Variants in SCHIP1 observed in about 807,000 individuals in gnomAD.
SCHIP1 encodes schwannomin-interacting protein 1.
In SCHIP1, 8 loss-of-function variants were observed where a neutral mutation model predicts 29.7. The observed-to-expected ratio is 0.27, with a 90% CI of 0.16 to 0.49. SCHIP1 has a LOEUF of 0.49. SCHIP1 is among the 20% of genes least tolerant of loss of function. The pLI, the probability that SCHIP1 is intolerant of heterozygous loss-of-function variation, is 0.99. For synonymous variants in SCHIP1, 76 were observed against 94.9 expected (o/e 0.80, Z 1.16); for missense variants, 193 against 294.6 (o/e 0.66, Z 2.52).
the SCHIP1 span, among the ~76,000 whole-genome samples, chr3:159,321,520 C>G: frequency 6.6e-6 from 1 of 152,030 alleles, no homozygotes; most frequent in South Asian, 2.1e-4. Flanking sequence ...ATTTTTCAGG[C>G]AAGAATTGAA....
chr3:159,278,629 T>C, the SCHIP1 span, among the ~76,000 whole-genome samples: 1 of 152,194 alleles, frequency 6.6e-6, no homozygotes, highest in Non-Finnish European at 1.5e-5. Context: ...GTTCCAATTG[T>C]CATCTATTCT....
chr3:159,829,068 G>A, the SCHIP1 span, among the ~76,000 whole-genome samples: 11 of 152,292 alleles, frequency 7.2e-5, no homozygotes, highest in East Asian at 1.2e-3. Flanking sequence ...AATTGGGGAC[G>A]AAACGATGTA....
chr3:159,751,601 G>A, the SCHIP1 span, among the ~76,000 whole-genome samples: 1 of 151,030 alleles, frequency 6.6e-6, no homozygotes, highest in African/African-American at 2.4e-5. Flanking sequence ...CTGGAGTGCA[G>A]TGGCAGGATC....
the SCHIP1 span, among the ~76,000 whole-genome samples, chr3:159,585,891 T>A: frequency 3.9e-5 from 6 of 152,204 alleles, no homozygotes; most frequent in African/African-American, 1.2e-4. Flanking sequence ...TGGAAAAAAA[T>A]TTTTAAAGGG....
the SCHIP1 span, among the ~76,000 whole-genome samples, chr3:159,646,883 T>C: frequency 6.6e-6 from 1 of 151,608 alleles, no homozygotes; most frequent in Non-Finnish European, 1.5e-5. Context: ...TAACCAGGAA[T>C]ACTAAAAGAG....
chr3:159,815,564 A>G, the SCHIP1 span, among the ~76,000 whole-genome samples: 1 of 152,218 alleles, frequency 6.6e-6, no homozygotes, highest in Non-Finnish European at 1.5e-5. Flanking sequence ...TCGCCCATTA[A>G]CAACAGCATT....
the SCHIP1 span, among the ~76,000 whole-genome samples, chr3:159,564,414 T>C: frequency 1.3e-5 from 2 of 152,048 alleles, no homozygotes; most frequent in African/African-American, 2.4e-5. Flanking sequence ...TTCACTCTTA[T>C]TGCCCAGGCT....
At chr3:159,341,842 G>A in the SCHIP1 span, among the ~76,000 whole-genome samples, 3 of 152,058 alleles carry the variant, frequency 2.0e-5, no homozygotes, top group East Asian at 1.9e-4. Context: ...AAATCATTTG[G>A]CATTTAGATT....
At chr3:159,869,700 C>A (rs777901449) in intron 2 of SCHIP1, among the ~76,000 whole-genome samples, 4 of 151,086 alleles carry the variant, frequency 2.6e-5, no homozygotes, top group Non-Finnish European at 5.9e-5. Flanking sequence ...TTTTTTTATT[C>A]CTCCACATAA....
At chr3:159,583,304 A>AG in the SCHIP1 span, among the ~76,000 whole-genome samples, 2 of 152,144 alleles carry the variant, frequency 1.3e-5, no homozygotes, top group Non-Finnish European at 2.9e-5. Flanking sequence ...ACTTTTCCCT[A>AG]TCACCAATCT....
the SCHIP1 span, among the ~76,000 whole-genome samples, chr3:159,643,032 G>A: frequency 6.6e-6 from 1 of 152,048 alleles, no homozygotes; most frequent in Non-Finnish European, 1.5e-5. Context: ...CAGATCTAGG[G>A]TGGTGAGGAA....
the SCHIP1 span, among the ~76,000 whole-genome samples, chr3:159,428,349 GA>G: frequency 5.3e-5 from 8 of 150,600 alleles, no homozygotes; most frequent in East Asian, 1.4e-3. Flanking sequence ...AAATTTACAA[GA>G]AAAAAACAAA....
chr3:159,484,319 A>G, the SCHIP1 span, among the ~76,000 whole-genome samples: 1 of 152,254 alleles, frequency 6.6e-6, no homozygotes, highest in Admixed American at 6.5e-5. Flanking sequence ...TCAATATGAC[A>G]TCATTGAAAC....
the SCHIP1 span, among the ~76,000 whole-genome samples, chr3:159,297,608 T>C: frequency 6.6e-6 from 1 of 152,032 alleles, no homozygotes; most frequent in Admixed American, 6.6e-5. Context: ...AAATGTTTTT[T>C]TAAAAAAAAG....
chr3:159,744,395 C>T, the SCHIP1 span, among the ~76,000 whole-genome samples: 1 of 152,186 alleles, frequency 6.6e-6, no homozygotes, highest in African/African-American at 2.4e-5. Context: ...CCAGTACAGA[C>T]AGAATCAATC....
the SCHIP1 span, among the ~76,000 whole-genome samples, chr3:159,748,587 G>C: frequency 1.3e-5 from 2 of 152,156 alleles, no homozygotes; most frequent in Non-Finnish European, 2.9e-5. Context: ...CTCCTACCTG[G>C]GCTACCAAGC....
the SCHIP1 span, among the ~76,000 whole-genome samples, chr3:159,677,945 C>T: frequency 1.3e-5 from 2 of 152,182 alleles, no homozygotes; most frequent in African/African-American, 4.8e-5. Context: ...AAGCAGTCCT[C>T]CCACCTCAGC....
At chr3:159,811,412 A>G in the SCHIP1 span, among the ~76,000 whole-genome samples, 997 of 152,284 alleles carry the variant, frequency 6.5e-3, 16 homozygotes, top group African/African-American at 0.023. Flanking sequence ...TACAAGTTTT[A>G]TAGTTTTAGC....
the SCHIP1 span, among the ~76,000 whole-genome samples, chr3:159,816,055 T>C: frequency 6.6e-6 from 1 of 151,684 alleles, no homozygotes; most frequent in Non-Finnish European, 1.5e-5. Context: ...TTCAAGCGAG[T>C]CTCCTGCTTC....
Sources: allele counts gnomAD v4.1 joint callset (sites outside exome capture counted in the v4.1 genomes callset), GRCh38; gene constraint gnomAD v4.1.1; transcripts MANE v1.5; gene names NCBI Gene and HGNC (gene_info 2026-07-23, HGNC 2026-07-21).